Variants in CPS1 observed in about 807,000 individuals in gnomAD.
The protein encoded by CPS1 is carbamoyl-phosphate synthase 1.
Under a neutral mutation model 174.6 loss-of-function variants are expected in CPS1, and 109 were observed. The observed-to-expected ratio is 0.62, with a 90% CI of 0.53 to 0.73. The LOEUF (loss-of-function observed/expected upper bound fraction) is 0.73. Ranked by LOEUF, CPS1 falls within the 30% of genes least tolerant of loss-of-function variation. CPS1 has a pLI of 0.00. For synonymous variants in CPS1, 637 were observed against 632.0 expected (o/e 1.01, Z -0.12); for missense variants, 1,689 against 1,821.9 (o/e 0.93, Z 1.33).
intron 6 of CPS1, among the ~76,000 whole-genome samples, chr2:210,585,388 G>A (rs1698072143): frequency 1.3e-5 from 2 of 151,836 alleles, no homozygotes; most frequent in Admixed American, 1.3e-4. Context: ...ATAACTGTAA[G>A]TCTTATTAAT....
intron 1 of CPS1, among the ~76,000 whole-genome samples, chr2:210,544,189 C>A (rs546637833): frequency 6.6e-6 from 1 of 152,188 alleles, no homozygotes; most frequent in Admixed American, 6.6e-5. Flanking sequence ...GCATGCTGCA[C>A]ACTTGTTAGC....
chr2:210,505,487 G>C lies in CPS1; in HGVS notation c.3+27721G>C, dbSNP rs148201510. 5.9e-4 allele frequency among the ~76,000 whole-genome samples: 90 copies of C among 152,216 alleles called. No individual in the cohort carries two copies. In the East Asian group the frequency reaches 0.016, roughly 27 times the overall value. ...GCGACACAGAAGACGAATGATTTCT[G>C]CATTTCCAACTGAGGTACTGGGTTC... On this transcript the variant is annotated intron_variant, in intron 1 of 38. Transcript: ENST00000430249.
At position 210,653,018 on chromosome 2, in the gene CPS1, C is replaced by T. The variant is rs768696007; in HGVS notation, c.3481-1007C>T. Among the ~76,000 whole-genome samples the T allele has an allele frequency of 2.2e-4, 33 of 152,150 alleles. 2 individuals are homozygous for T. The highest frequency in any genetic ancestry group is 1.0e-3 in the Admixed American group (16 of 15,278). On this transcript the variant is annotated intron_variant, in intron 28 of 37. Transcript: ENST00000233072. ...AGAAGGCCAGCCTTGTATAATGCTG[C>T]ATTTCATGATAGTGGTCAGAAGGAG...
At chr2:210,633,050 G>A (rs1004904654) in intron 21 of CPS1, among the ~76,000 whole-genome samples, 6 of 152,154 alleles carry the variant, frequency 3.9e-5, no homozygotes, top group African/African-American at 1.4e-4. Context: ...GGTCTAGCTT[G>A]ATACATCTGT....
At chr2:210,554,949 T>C (rs1677462614), upstream of CPS1, among the ~76,000 whole-genome samples, 1 of 151,946 alleles carries the variant, frequency 6.6e-6, no homozygotes, top group African/African-American at 2.4e-5. Flanking sequence ...CTCAGTTCTC[T>C]AGGTTGGGAG....
At chr2:210,610,701 G>T (rs1699082744) in intron 19 of CPS1, among the ~76,000 whole-genome samples, 1 of 151,756 alleles carries the variant, frequency 6.6e-6, no homozygotes, top group African/African-American at 2.4e-5. Context: ...TCTGTAGTGA[G>T]CCCTATAGTG....
chr2:210,512,808 GGAGAGA>G (rs1297537241), intron 1 of CPS1, among the ~76,000 whole-genome samples: 2 of 83,800 alleles, frequency 2.4e-5, no homozygotes, highest in African/African-American at 5.0e-5. Flanking sequence ...ATATATATAT[GGAGAGA>G]GAGAGATATA....
chr2:210,653,341 C>T (rs184710038), intron 28 of CPS1, among the ~76,000 whole-genome samples: 10 of 152,132 alleles, frequency 6.6e-5, no homozygotes, highest in Non-Finnish European at 1.3e-4. Context: ...TGGAGGGCAT[C>T]CCGACCCTGA....
rs73984647 is a variant in CPS1, at chr2:210,608,161, G to A, written c.2193-200G>A. ...GTGCACAGAGAGTAAATTCTCCTGT[G>A]ACCTGTGCCTCTATACTTTGTATCA... On this transcript the variant is annotated intron_variant, in intron 18 of 37. Transcript: ENST00000233072. 0.028 allele frequency among the ~76,000 whole-genome samples: 4,187 copies of A among 151,876 alleles called. 211 individuals carry two copies. Among genetic ancestry groups the A allele is most frequent in the African/African-American group, 0.095 (3,943 of 41,448 alleles).
chr2:210,645,470 A>T (rs1349111285), intron 25 of CPS1, among the ~76,000 whole-genome samples: 1 of 152,220 alleles, frequency 6.6e-6, no homozygotes, highest in East Asian at 1.9e-4. Context: ...AAAGTGTATT[A>T]GTTTCAGCAT....
intron 34 of CPS1, chr2:210,674,685 G>T (rs1441258074): frequency 3.4e-6 from 2 of 579,922 alleles, no homozygotes; most frequent in Non-Finnish European, 6.2e-6. Context: ...TGAAAAGCAG[G>T]GATCAAGATT....
At chr2:210,580,577 G>C (rs986716217) in intron 5 of CPS1, among the ~76,000 whole-genome samples, 6 of 151,876 alleles carry the variant, frequency 4.0e-5, no homozygotes, top group Admixed American at 3.9e-4. Context: ...AACTACACAT[G>C]TGGGCTGGGT....
intron 1 of CPS1, among the ~76,000 whole-genome samples, chr2:210,511,058 G>A (rs1438214984): frequency 6.6e-6 from 1 of 151,938 alleles, no homozygotes; most frequent in Admixed American, 6.6e-5. Flanking sequence ...TATAAATCAT[G>A]CTGCTATAAA....
intron 1 of CPS1, among the ~76,000 whole-genome samples, chr2:210,551,137 T>G (rs1696719177): frequency 6.6e-6 from 1 of 151,994 alleles, no homozygotes; most frequent in Non-Finnish European, 1.5e-5. Context: ...ATTTACAGCT[T>G]GTTTTTCTTT....
intron 34 of CPS1, among the ~76,000 whole-genome samples, chr2:210,671,271 C>G (rs1701291786): frequency 6.6e-6 from 1 of 152,110 alleles, no homozygotes; most frequent in African/African-American, 2.4e-5. Context: ...ACAAAGCAAG[C>G]ATTTTATTTG....
At chr2:210,502,423 A>G (rs1695165468) in intron 1 of CPS1, among the ~76,000 whole-genome samples, 1 of 146,310 alleles carries the variant, frequency 6.8e-6, no homozygotes, top group Admixed American at 6.9e-5. Context: ...TAATATATAT[A>G]TAAAAGAGAG....
chr2:210,512,851 T>G (rs1245169712), intron 1 of CPS1, among the ~76,000 whole-genome samples: 2 of 60,366 alleles, frequency 3.3e-5, no homozygotes, highest in Non-Finnish European at 6.3e-5. Flanking sequence ...TATATGGAGA[T>G]ATATATATAT....
intron 1 of CPS1, among the ~76,000 whole-genome samples, chr2:210,559,627 C>G (rs544334799): frequency 6.6e-6 from 1 of 152,216 alleles, no homozygotes; most frequent in African/African-American, 2.4e-5. Context: ...TCCATTAGTA[C>G]TGAAAATGTT....
Position 210,556,819 on chromosome 2 carries a change from G to T in CPS1, c.86G>T (p.Trp29Leu). 1 of 1,613,086 alleles carries T rather than the reference G, an allele frequency of 6.2e-7. No individual in the cohort carries two copies. Among genetic ancestry groups the T allele is most frequent in the Non-Finnish European group, 8.5e-7 (1 of 1,179,354 alleles). Residue 29 changes from tryptophan to leucine, a missense_variant, in exon 1 of 38, where the codon TGG becomes TTG. Coordinates refer to ENST00000233072, the MANE Select transcript of CPS1 (RefSeq NM_001875.5). ...GFTNVTAHQKWKFSRPGIRLL... is the reference protein window; with the variant it reads ...GFTNVTAHQKLKFSRPGIRLL... ...ACCAATGTGACTGCACACCAAAAAT[G>T]GAAATTTTCAAGACCTGGCATCAGG...
Sources: allele counts gnomAD v4.1 joint callset (sites outside exome capture counted in the v4.1 genomes callset), GRCh38; gene constraint gnomAD v4.1.1; transcripts MANE v1.5; gene names NCBI Gene and HGNC (gene_info 2026-07-23, HGNC 2026-07-21).